MCF2L: variants seen among roughly 807,000 people sequenced by gnomAD.
The protein encoded by MCF2L is MCF.2 cell line derived transforming sequence like, also known as guanine nucleotide exchange factor DBS.
A neutral mutation model predicts 153.4 loss-of-function variants in MCF2L; 97 were observed. The observed-to-expected ratio is 0.63, with a 90% CI of 0.54 to 0.75. The LOEUF (loss-of-function observed/expected upper bound fraction) is 0.75, where lower values mean the gene tolerates loss of function less well. Among genes scored for constraint, MCF2L ranks in the 30% least tolerant of loss-of-function variants. MCF2L has a pLI of 0.00. For synonymous variants in MCF2L, 659 were observed against 632.2 expected, an observed-to-expected ratio of 1.04 and a Z score of -0.64; for missense variants, 1,347 against 1,495.2, an observed-to-expected ratio of 0.90 and a Z score of 1.64.
intron 2 of MCF2L, among the ~76,000 whole-genome samples, chr13:112,911,083 A>G (rs1276119435): frequency 1.3e-5 from 2 of 152,180 alleles, no homozygotes; most frequent in Non-Finnish European, 2.9e-5. Flanking sequence ...CAGCTGGTGC[A>G]TGCATGGTGA....
At chr13:112,944,695 C>T (rs2081618486) in intron 2 of MCF2L, among the ~76,000 whole-genome samples, 1 of 151,698 alleles carries the variant, frequency 6.6e-6, no homozygotes, top group African/African-American at 2.4e-5. Flanking sequence ...ACTGTGTTAG[C>T]CAGGATGGTC....
intron 2 of MCF2L, among the ~76,000 whole-genome samples, chr13:112,954,009 G>A (rs1566658342): frequency 1.3e-5 from 2 of 152,236 alleles, no homozygotes; most frequent in Admixed American, 1.3e-4. Flanking sequence ...TGGCATGCTG[G>A]GCTTGGCTTG....
chr13:113,019,868 C>T (rs935590561), intron 2 of MCF2L, among the ~76,000 whole-genome samples: 1 of 152,198 alleles, frequency 6.6e-6, no homozygotes, highest in Non-Finnish European at 1.5e-5. Flanking sequence ...GCCGCCGTCA[C>T]CAGACACCAA....
intron 1 of MCF2L, among the ~76,000 whole-genome samples, chr13:113,010,686 G>A (rs2084035951): frequency 6.6e-6 from 1 of 151,662 alleles, no homozygotes; most frequent in African/African-American, 2.4e-5. Flanking sequence ...CCGGGCCTCA[G>A]ATGTGAGGCC....
chr13:112,928,206 G>A (rs751503123), intron 2 of MCF2L, among the ~76,000 whole-genome samples: 1 of 152,216 alleles, frequency 6.6e-6, no homozygotes, highest in Non-Finnish European at 1.5e-5. Context: ...CTGGGGATGC[G>A]GGTGAAACGC....
chr13:112,953,157 C>T (rs2081714240), intron 2 of MCF2L, among the ~76,000 whole-genome samples: 1 of 152,122 alleles, frequency 6.6e-6, no homozygotes, highest in South Asian at 2.1e-4. Context: ...TGCTTGGAGC[C>T]GTGTTTTGGA....
intron 2 of MCF2L, among the ~76,000 whole-genome samples, chr13:112,934,144 C>T (rs1172849547): frequency 1.3e-5 from 2 of 152,262 alleles, no homozygotes; most frequent in Non-Finnish European, 2.9e-5. Flanking sequence ...GTGCATCCAC[C>T]TCCCTGGCAG....
intron 5 of MCF2L, among the ~76,000 whole-genome samples, chr13:113,062,990 G>A (rs1025651511): frequency 5.9e-5 from 9 of 152,162 alleles, no homozygotes; most frequent in Admixed American, 4.6e-4. Flanking sequence ...GGGTATTTTC[G>A]GCAGGAACAG....
At chr13:113,032,011 T>C (rs1270477183) in intron 3 of MCF2L, among the ~76,000 whole-genome samples, 1 of 152,116 alleles carries the variant, frequency 6.6e-6, no homozygotes, top group Non-Finnish European at 1.5e-5. Context: ...GACCTGCACA[T>C]GTACACACCA....
In MCF2L at chr13:113,096,555, T is replaced by C. The variant is rs779440993; in HGVS notation, c.3194T>C (p.Val1065Ala). 1.6e-5 allele frequency: 25 copies of C among 1,604,180 alleles called. No homozygotes were observed. The highest frequency in any genetic ancestry group is 2.1e-5 in the Non-Finnish European group (25 of 1,177,648). The change falls in exon 29 of 30, where the codon GTC becomes GCC. Residue 1065 changes from valine (V) to alanine (A), a missense_variant. Around this residue, in one of 3 missense-constraint regions of MCF2L, gnomAD observed 383 missense variants for 335.4 expected, o/e 1.14. Coordinates refer to ENST00000535094, the MANE Select transcript of MCF2L (RefSeq NM_001112732.3). ...VQEGDEGLWY[V>A]RDPTTGKEGW... is the part of the protein sequence containing the mutation. Reference sequence around the variant, plus strand: ...CTGACCCTCGCCCCTTGCAGGTACGTCAGGGACCCGACCACTGGCAAGGAG... The same window carrying C: ...CTGACCCTCGCCCCTTGCAGGTACGCCAGGGACCCGACCACTGGCAAGGAG...
chr13:112,980,596 G>A (rs1335437233), intron 1 of MCF2L, among the ~76,000 whole-genome samples: 2 of 101,134 alleles, frequency 2.0e-5, no homozygotes, highest in Non-Finnish European at 5.0e-5. Context: ...CCAGCCAGGA[G>A]GGCCACCATG....
At chr13:113,022,721 G>C (rs533874987) in intron 2 of MCF2L, among the ~76,000 whole-genome samples, 3 of 152,214 alleles carry the variant, frequency 2.0e-5, no homozygotes, top group Non-Finnish European at 4.4e-5. Context: ...TAGGTGCTGC[G>C]TGAAGCTGAG....
chr13:112,963,767 G>T (rs1212871948), intron 2 of MCF2L, among the ~76,000 whole-genome samples: 1 of 152,210 alleles, frequency 6.6e-6, no homozygotes, highest in Non-Finnish European at 1.5e-5. Flanking sequence ...CCAACCACCG[G>T]TGTCCATGGA....
At chr13:112,975,805 C>T (rs778476082) in intron 1 of MCF2L, among the ~76,000 whole-genome samples, 52 of 152,186 alleles carry the variant, frequency 3.4e-4, no homozygotes, top group Non-Finnish European at 5.9e-4. Context: ...TCGTTGCGGT[C>T]GCACGGTGAT....
rs1432012390 is a variant in MCF2L, at chr13:113,053,065, CG to C, written c.370-7526del. Among the ~76,000 whole-genome samples, 11 of 152,278 alleles carry C rather than the reference CG, an allele frequency of 7.2e-5. No individual in the cohort carries two copies. Among genetic ancestry groups the C allele is most frequent in the South Asian group, 2.1e-4 (1 of 4,824 alleles). Reference sequence around the variant, plus strand: ...ACACACACATTTTGCTGGTGAGAGCCGGCTCTGCCATCGTGTCAGTTCATCC... The same window carrying C: ...ACACACACATTTTGCTGGTGAGAGCCGCTCTGCCATCGTGTCAGTTCATCC... On this transcript the variant is annotated intron_variant, in intron 4 of 29. Coordinates refer to ENST00000535094, the MANE Select transcript of MCF2L (RefSeq NM_001112732.3). The surrounding 1 kb of genome is among the most constrained non-coding windows in gnomAD (Gnocchi z 4.4).
At chr13:113,030,314 G>A (rs2085578616) in intron 3 of MCF2L, among the ~76,000 whole-genome samples, 1 of 128,512 alleles carries the variant, frequency 7.8e-6, no homozygotes, top group African/African-American at 3.1e-5. Flanking sequence ...GACGCCCGGT[G>A]TGGACCCTCA....
intron 1 of MCF2L, chr13:112,979,842 TG>T: frequency 7.6e-7 from 1 of 1,309,894 alleles, no homozygotes. Context: ...GGTGCCTCCC[TG>T]GGGTATTTCT....
chr13:113,084,522 G>A, intron 18 of MCF2L: 1 of 342,048 alleles, frequency 2.9e-6, no homozygotes, highest in South Asian at 5.0e-5. Context: ...CTAAATAACA[G>A]GTAATTTGTA....
At chr13:113,010,254 C>T (rs1305362411) in intron 1 of MCF2L, 3 of 152,148 alleles carry the variant, frequency 2.0e-5, no homozygotes, top group African/African-American at 7.2e-5. Flanking sequence ...CCCTCCCACC[C>T]CGCAACACCC....
Sources: gnomAD v4.1 joint callset for allele counts (sites outside exome capture counted in the v4.1 genomes callset) on GRCh38, gnomAD v4.1.1 for gene constraint, gnomAD v4.1.1 regional missense constraint, Gnocchi (gnomAD v3.1) non-coding constraint, MANE v1.5 for transcripts, NCBI Gene and HGNC (gene_info 2026-07-23, HGNC 2026-07-21) for gene names.